Variants in ENTPD6 observed in about 807,000 individuals in gnomAD.
ENTPD6 encodes the protein CD39 antigen-like 2.
Under a neutral mutation model 61.5 loss-of-function variants are expected in ENTPD6, and 46 were observed. That is an observed-to-expected ratio of 0.75 (90% CI 0.59 to 0.96). The LOEUF is 0.96. Among genes scored for constraint, ENTPD6 ranks in the 40% least tolerant of loss-of-function variants. The probability of loss-of-function intolerance (pLI) is 0.00; values close to 1 mark genes in which losing one functional copy is unlikely to be tolerated. For missense variants in ENTPD6, 612 were observed against 629.0 expected (o/e 0.97, Z 0.29); for synonymous variants, 252 against 255.5 (o/e 0.99, Z 0.13).
At chr20:25,208,100 T>C (rs1035362938) in intron 3 of ENTPD6, among the ~76,000 whole-genome samples, 3 of 152,362 alleles carry the variant, frequency 2.0e-5, no homozygotes, top group Admixed American at 2.0e-4. Flanking sequence ...GCAGGTCCCC[T>C]GGGTGTCCCA....
At chr20:25,216,035 A>G (rs185710764) in intron 7 of ENTPD6, among the ~76,000 whole-genome samples, 151 of 152,342 alleles carry the variant, frequency 9.9e-4, no homozygotes, top group African/African-American at 3.4e-3. Flanking sequence ...AACCAGTCAT[A>G]TCTTCCAATA....
At chr20:25,223,967 G>A in intron 12 of ENTPD6, 134 bp from the exon 13 acceptor site, 1 of 750,486 alleles carries the variant, frequency 1.3e-6, no homozygotes. Flanking sequence ...GCCGCCTACA[G>A]CTGGAGGGCC....
At position 25,228,042 on chromosome 20, in the gene ENTPD6, C is replaced by A. The variant is rs2092824377; in HGVS notation, c.*2445C>A. On this transcript the variant is annotated 3_prime_UTR_variant, in exon 15 of 15. Transcript: ENST00000376652. ...CATCATTTTTTTGTTAATTGTAGAT[C>A]TTTATTTATTAAGGAAATTATCCCA... is the stretch of plus-strand genomic sequence containing the variant. Among the ~76,000 whole-genome samples the A allele has an allele frequency of 6.6e-6, 1 of 152,000 alleles. No homozygotes were observed. The highest frequency in any genetic ancestry group is 1.5e-5 in the Non-Finnish European group (1 of 68,016).
At chr20:25,225,356 G>C (rs936692694) in intron 14 of ENTPD6, 39 bp downstream of exon 14, 15 of 1,609,020 alleles carry the variant, frequency 9.3e-6, no homozygotes, top group Middle Eastern at 1.6e-4. Flanking sequence ...CCCCTTTATG[G>C]AGTGAGGGGC....
At chr20:25,210,815 G>A (rs779046473) in intron 4 of ENTPD6, among the ~76,000 whole-genome samples, 7 of 152,108 alleles carry the variant, frequency 4.6e-5, no homozygotes, top group Non-Finnish European at 7.4e-5. Context: ...GGTGGCGCAC[G>A]CCTGAAATTC....
At chr20:25,217,385 C>A in intron 8 of ENTPD6, 117 bp from the exon 9 acceptor site, 1 of 922,728 alleles carries the variant, frequency 1.1e-6, no homozygotes, top group Non-Finnish European at 1.7e-6. Context: ...ACCTAGTGAA[C>A]AGCTCATTTA....
At position 25,209,938 on chromosome 20, in the gene ENTPD6, TC is replaced by T. The variant is rs773707276; in HGVS notation, c.453+16del. 1.9e-6 allele frequency: 3 copies of T among 1,603,560 alleles called. No homozygotes were observed. The highest frequency in any genetic ancestry group is 2.2e-5 in the South Asian group (2 of 90,862). On this transcript the variant is annotated intron_variant, in intron 4 of 14. Transcript: ENST00000376652. Reference sequence around the variant, plus strand: ...TGATGTTGAAAAGGTAAGGATCCTCTCCCGTGTCTCCCTGTTCAACTGCAGA... The same window carrying T: ...TGATGTTGAAAAGGTAAGGATCCTCTCCGTGTCTCCCTGTTCAACTGCAGA...
intron 13 of ENTPD6, 198 bp downstream of exon 13, chr20:25,224,355 C>T (rs912274518): frequency 1.5e-5 from 7 of 460,588 alleles, no homozygotes; most frequent in African/African-American, 6.0e-5. Flanking sequence ...CCCTCGATTC[C>T]ACTTCCTCAG....
rs763821035 is a variant in ENTPD6, at chr20:25,222,797, G to A, written c.1046-41G>A. On this transcript the variant is annotated intron_variant, in intron 11 of 14. Coordinates refer to ENST00000376652, the MANE Select transcript of ENTPD6 (RefSeq NM_001247.5). ...CCCCAAGCAGCTGTGAGGCCTGGGT[G>A]CTCGGAGCCCACTGACCGCTAGCCT... 14 of 1,606,522 alleles carry A rather than the reference G, an allele frequency of 8.7e-6. 1 individual carries two copies. The Admixed American group carries it at 1.8e-4, about 21-fold the overall frequency.
At chr20:25,206,629 GT>G in intron 2 of ENTPD6, 39 bp downstream of exon 2, 1 of 1,484,574 alleles carries the variant, frequency 6.7e-7, no homozygotes, top group African/African-American at 1.4e-5. Flanking sequence ...AAGGGACGGA[GT>G]TTAAACCTTT....
intron 1 of ENTPD6, among the ~76,000 whole-genome samples, chr20:25,199,953 G>A (rs189298769): frequency 7.9e-4 from 121 of 152,340 alleles, no homozygotes; most frequent in Non-Finnish European, 1.5e-3. Flanking sequence ...ATGTGAGTGT[G>A]TAGATATCTC....
chr20:25,225,783 C>T lies in ENTPD6; in HGVS notation c.*186C>T. On this transcript the variant is annotated 3_prime_UTR_variant, in exon 15 of 15. Transcript: ENST00000376652. The stretch of plus-strand genomic sequence containing the variant: ...TCAGCCTCTTCCAGTCACATCTGGC[C>T]AGAGGGCTGTCTGGACCTGGGCCCT... The T allele has an allele frequency of 1.7e-6, 1 of 585,326 alleles. No homozygotes were observed. The highest frequency in any genetic ancestry group is 3.0e-6 in the Non-Finnish European group (1 of 331,250). 36.3% of individuals were successfully genotyped at this position (585,326 alleles called of 1,614,324 possible).
intron 1 of ENTPD6, among the ~76,000 whole-genome samples, chr20:25,202,099 AATC>A (rs974450237): frequency 4.6e-5 from 7 of 152,242 alleles, no homozygotes; most frequent in African/African-American, 1.7e-4. Flanking sequence ...TATAATAAGA[AATC>A]ATAAGAAAGA....
chr20:25,205,623 A>G (rs2122669750), intron 1 of ENTPD6, among the ~76,000 whole-genome samples: 1 of 152,254 alleles, frequency 6.6e-6, no homozygotes, highest in African/African-American at 2.4e-5. Context: ...AGGGCTGGGG[A>G]GGGGCTGCAC....
chr20:25,210,701 GGAGGCTGACGCGGGTGGATCACCT>G (rs2091902433), intron 4 of ENTPD6, among the ~76,000 whole-genome samples: 1 of 152,168 alleles, frequency 6.6e-6, no homozygotes, highest in Non-Finnish European at 1.5e-5. Context: ...CAGCACTTTG[GGAGGCTGACGCGGGTGGATCACCT>G]GAGGTCAGGA....
At chr20:25,197,107 T>C in intron 1 of ENTPD6, 1 of 985,462 alleles carries the variant, frequency 1.0e-6, no homozygotes, top group Non-Finnish European at 1.2e-6. Flanking sequence ...TGATACAGCG[T>C]GCATGGCAGG....
intron 1 of ENTPD6, among the ~76,000 whole-genome samples, chr20:25,198,992 T>A (rs1177831393): frequency 2.6e-5 from 4 of 152,244 alleles, no homozygotes; most frequent in African/African-American, 9.6e-5. Context: ...CCCAGTCCTG[T>A]GGCATCTATG....
chr20:25,212,498 C>T (rs866721881), intron 4 of ENTPD6, among the ~76,000 whole-genome samples: 25 of 152,204 alleles, frequency 1.6e-4, no homozygotes, highest in African/African-American at 5.1e-4. Context: ...TGTTCCCACA[C>T]ACCTGCCAGT....
intron 4 of ENTPD6, among the ~76,000 whole-genome samples, chr20:25,212,800 G>A (rs1352618079): frequency 1.3e-5 from 2 of 152,114 alleles, no homozygotes; most frequent in African/African-American, 2.4e-5. Flanking sequence ...CCACCTCCTG[G>A]GTTCATGCCA....
Sources: allele counts gnomAD v4.1 joint callset (sites outside exome capture counted in the v4.1 genomes callset), GRCh38; gene constraint gnomAD v4.1.1; transcripts MANE v1.5; gene names NCBI Gene and HGNC (gene_info 2026-07-23, HGNC 2026-07-21).